LINGO2: variants seen among roughly 807,000 people sequenced by gnomAD.
LINGO2 encodes the protein leucine-rich repeat and immunoglobulin-like domain-containing nogo receptor-interacting protein 2.
LINGO2 carries 14 observed loss-of-function variants against 30.6 expected under a neutral mutation model. That is an observed-to-expected ratio of 0.46 (90% CI 0.30 to 0.72). LINGO2 has a LOEUF of 0.72. Ranked by LOEUF, LINGO2 falls within the 30% of genes least tolerant of loss-of-function variation. LINGO2 has a pLI of 0.07. For synonymous variants in LINGO2, 317 were observed against 288.5 expected, an observed-to-expected ratio of 1.10 and a Z score of -1.00; for missense variants, 729 against 751.7, an observed-to-expected ratio of 0.97 and a Z score of 0.35.
chr9:28,728,650 C>A, the LINGO2 span, among the ~76,000 whole-genome samples: 24 of 152,044 alleles, frequency 1.6e-4, no homozygotes, highest in African/African-American at 5.5e-4. Context: ...ATCGCTCTCC[C>A]CTAAACCCAC....
At chr9:28,138,228 CA>C (rs1223305904) in intron 4 of LINGO2, among the ~76,000 whole-genome samples, 2 of 152,162 alleles carry the variant, frequency 1.3e-5, no homozygotes, top group Non-Finnish European at 2.9e-5. Flanking sequence ...AGATTAAAGG[CA>C]AAACAGTTTT....
chr9:28,589,162 G>C (rs1181612260), intron 1 of LINGO2, among the ~76,000 whole-genome samples: 3 of 152,106 alleles, frequency 2.0e-5, no homozygotes, highest in Non-Finnish European at 4.4e-5. Context: ...AAAATAATAA[G>C]AGCTATCTAT....
At chr9:28,152,149 A>C (rs113257862) in intron 4 of LINGO2, among the ~76,000 whole-genome samples, 8 of 152,254 alleles carry the variant, frequency 5.3e-5, no homozygotes, top group African/African-American at 1.9e-4. Flanking sequence ...CCAGTGTTGG[A>C]GTTGGGACCT....
At chr9:29,212,447 T>C in the LINGO2 span, among the ~76,000 whole-genome samples, 1,335 of 152,012 alleles carry the variant, frequency 8.8e-3, 20 homozygotes, top group African/African-American at 0.029. Flanking sequence ...CAGCGTGGGC[T>C]TCGCGCGCCC....
chr9:28,774,958 C>A, the LINGO2 span, among the ~76,000 whole-genome samples: 1 of 151,052 alleles, frequency 6.6e-6, no homozygotes, highest in Admixed American at 6.6e-5. Context: ...AGGAACAAAT[C>A]GTCGAATAAG....
chr9:27,966,194 T>A (rs578083415), intron 5 of LINGO2, among the ~76,000 whole-genome samples: 1 of 152,238 alleles, frequency 6.6e-6, no homozygotes, highest in Non-Finnish European at 1.5e-5. Context: ...ATATGCAATC[T>A]GGAGGCAATG....
intron 5 of LINGO2, among the ~76,000 whole-genome samples, chr9:27,977,486 C>T (rs1341862508): frequency 6.6e-6 from 1 of 151,968 alleles, no homozygotes; most frequent in African/African-American, 2.4e-5. Context: ...ATTACGACGA[C>T]TCCCTGACTA....
At chr9:28,385,288 G>GGAATTAATTATAAT (rs1821534265) in intron 2 of LINGO2, among the ~76,000 whole-genome samples, 1 of 152,060 alleles carries the variant, frequency 6.6e-6, no homozygotes, top group Non-Finnish European at 1.5e-5. Context: ...TGCTCCTTCT[G>GGAATTAATTATAAT]TAATATAATT....
At chr9:28,458,242 T>G (rs1439688281) in intron 2 of LINGO2, among the ~76,000 whole-genome samples, 1 of 152,166 alleles carries the variant, frequency 6.6e-6, no homozygotes, top group Non-Finnish European at 1.5e-5. Context: ...AATTATATTT[T>G]CTTTTTACCT....
At chr9:28,291,174 G>A (rs1223295789) in intron 4 of LINGO2, among the ~76,000 whole-genome samples, 1 of 152,036 alleles carries the variant, frequency 6.6e-6, no homozygotes, top group East Asian at 1.9e-4. Flanking sequence ...TAATCTATTT[G>A]CACTTGAATC....
chr9:29,182,473 G>A, the LINGO2 span, among the ~76,000 whole-genome samples: 1 of 152,092 alleles, frequency 6.6e-6, no homozygotes, highest in Non-Finnish European at 1.5e-5. Context: ...GGCTGGAAAA[G>A]GTAATTACTA....
the LINGO2 span, among the ~76,000 whole-genome samples, chr9:28,907,516 G>T: frequency 6.6e-6 from 1 of 151,744 alleles, no homozygotes; most frequent in Non-Finnish European, 1.5e-5. Flanking sequence ...TGAATGGTCT[G>T]GTGGACAGTG....
the LINGO2 span, among the ~76,000 whole-genome samples, chr9:29,085,289 A>T: frequency 1.5e-4 from 7 of 46,354 alleles, no homozygotes; most frequent in African/African-American, 6.6e-4. Flanking sequence ...AGTAAAAAAA[A>T]AAAAAAAAAA....
the LINGO2 span, among the ~76,000 whole-genome samples, chr9:28,889,507 G>A: frequency 6.6e-6 from 1 of 151,944 alleles, no homozygotes; most frequent in East Asian, 1.9e-4. Context: ...AATGTGTGAT[G>A]ATGATATAAT....
intron 4 of LINGO2, among the ~76,000 whole-genome samples, chr9:28,198,495 T>G (rs1464444869): frequency 6.6e-6 from 1 of 152,206 alleles, no homozygotes; most frequent in Non-Finnish European, 1.5e-5. Flanking sequence ...CCTTTGCATA[T>G]GAATACTGAT....
chr9:28,551,454 T>A (rs985698286), intron 1 of LINGO2, among the ~76,000 whole-genome samples: 12 of 151,970 alleles, frequency 7.9e-5, no homozygotes, highest in African/African-American at 2.7e-4. Flanking sequence ...AATAGTTTAA[T>A]AGAGGTAGGG....
At chr9:27,997,053 A>G (rs1023965528) in intron 5 of LINGO2, among the ~76,000 whole-genome samples, 15 of 152,208 alleles carry the variant, frequency 9.9e-5, no homozygotes, top group African/African-American at 3.6e-4. Flanking sequence ...CAAAAGAGGA[A>G]TTTAATATTC....
intron 3 of LINGO2, among the ~76,000 whole-genome samples, chr9:28,351,451 A>T (rs1819886258): frequency 6.6e-6 from 1 of 151,816 alleles, no homozygotes. Flanking sequence ...CTAAACCAGG[A>T]AGAAGTTGAA....
At chr9:27,948,814 A>G in exon 6 of LINGO2, 1 of 1,569,436 alleles carries the variant, frequency 6.4e-7, no homozygotes, top group East Asian at 2.2e-5. Context: ...CTGATTACCC[A>G]CATTGACAAA....
Sources: allele counts gnomAD v4.1 joint callset (sites outside exome capture counted in the v4.1 genomes callset), GRCh38; gene constraint gnomAD v4.1.1; transcripts MANE v1.5; gene names NCBI Gene and HGNC (gene_info 2026-07-23, HGNC 2026-07-21).